GSE1: variants seen among roughly 807,000 people sequenced by gnomAD.
GSE1 encodes Gse1 coiled-coil protein.
A neutral mutation model predicts 112.6 loss-of-function variants in GSE1; 32 were observed. The ratio of observed to expected loss-of-function variants is 0.28; its 90% CI spans 0.21 to 0.38. The LOEUF (loss-of-function observed/expected upper bound fraction) is 0.38. Among genes scored for constraint, GSE1 ranks in the 10% least tolerant of loss-of-function variants. GSE1 has a pLI of 1.00. For missense variants in GSE1, 2,348 were observed against 1,699.2 expected, an observed-to-expected ratio of 1.38 and a Z score of -6.71; for synonymous variants, 1,115 against 735.6, an observed-to-expected ratio of 1.52 and a Z score of -8.35.
chr16:85,304,601 C>CGTG (rs1555557424), intron 1 of GSE1, among the ~76,000 whole-genome samples: 5 of 78,180 alleles, frequency 6.4e-5, no homozygotes, highest in Non-Finnish European at 9.9e-5. Flanking sequence ...AAGCCGGGGG[C>CGTG]GGGGGGGTGG....
Position 85,332,060 on chromosome 16 carries a change from G to A in GSE1, c.2284-25403G>A, listed in dbSNP as rs531992301. Among the ~76,000 whole-genome samples, 28 of 151,440 alleles carry A rather than the reference G, an allele frequency of 1.8e-4. No individual in the cohort carries two copies. In the South Asian group the frequency reaches 5.0e-3, roughly 27 times the overall value. Reference sequence around the variant, plus strand: ...GGGGCCCTTTGGCAACCATCTGGGGGCTCCTGTCCTAGCCTGACTGCCCCA... The same window carrying A: ...GGGGCCCTTTGGCAACCATCTGGGGACTCCTGTCCTAGCCTGACTGCCCCA... On this transcript the variant is annotated intron_variant, in intron 1 of 2. Coordinates refer to the GSE1 transcript ENST00000637419.
In GSE1 at chr16:85,672,394, C is replaced by T. The variant is rs1010006967; in HGVS notation, c.3520-11C>T. 6 of 1,606,002 alleles carry T rather than the reference C, an allele frequency of 3.7e-6. No individual in the cohort carries two copies. Among genetic ancestry groups the T allele is most frequent in the East Asian group, 2.2e-5 (1 of 44,664 alleles). On this transcript the variant is annotated splice_polypyrimidine_tract_variant and intron_variant, in intron 15 of 15. Transcript: ENST00000253458. ...ACGGGTTGGTTTTGACACAAATTTC[C>T]CTCTCTCCAGGAGTTGAGGAGCCAG...
intron 1 of GSE1, among the ~76,000 whole-genome samples, chr16:85,574,179 G>A (rs939619952): frequency 6.6e-6 from 1 of 152,210 alleles, no homozygotes; most frequent in Non-Finnish European, 1.5e-5. Context: ...TTGTGGGAGA[G>A]AAAGGAAGCC....
At position 85,309,604 on chromosome 16, in the gene GSE1, C is replaced by T. The variant is rs536713036; in HGVS notation, c.2284-47859C>T. ...AAAATAGCGTCCTCGAGGCACGTGG[C>T]CCACCCCCCGGATCTGGCCGGGAGC... is the stretch of plus-strand genomic sequence containing the variant. On this transcript the variant is annotated intron_variant, in intron 1 of 2. Coordinates refer to the GSE1 transcript ENST00000637419. Among the ~76,000 whole-genome samples, 14 of 152,384 alleles carry T rather than the reference C, an allele frequency of 9.2e-5. 1 individual carries two copies. In the South Asian group the frequency reaches 2.5e-3, roughly 27 times the overall value.
At position 85,320,270 on chromosome 16, in the gene GSE1, C is replaced by T. The variant is rs188839158; in HGVS notation, c.2284-37193C>T. On this transcript the variant is annotated intron_variant, in intron 1 of 2. Coordinates refer to the GSE1 transcript ENST00000637419. ...GGGAGTGGGCGGCGCATGAGTTAGCCGACCTGTGTCATTTGAGGCCGGAGC... is the reference window on the plus strand; with the variant it reads ...GGGAGTGGGCGGCGCATGAGTTAGCTGACCTGTGTCATTTGAGGCCGGAGC... Among the ~76,000 whole-genome samples the T allele has an allele frequency of 3.5e-3, 536 of 152,234 alleles. 3 individuals are homozygous for T. The highest frequency in any genetic ancestry group is 0.01 in the Middle Eastern group (3 of 294).
At chr16:85,255,368 C>A (rs1906961005) in intron 1 of GSE1, among the ~76,000 whole-genome samples, 1 of 152,092 alleles carries the variant, frequency 6.6e-6, no homozygotes, top group African/African-American at 2.4e-5. Context: ...CCCCTCCCAG[C>A]CTCAGTTTCC....
chr16:85,520,221 G>T (rs765194617), intron 2 of GSE1, among the ~76,000 whole-genome samples: 1 of 152,014 alleles, frequency 6.6e-6, no homozygotes, highest in Non-Finnish European at 1.5e-5. Context: ...TGAAAGGGGG[G>T]ACCCTTTAAC....
upstream of GSE1, among the ~76,000 whole-genome samples, chr16:85,612,251 CGGGGCGGGGCGGGGT>C (rs1282847841): frequency 2.9e-5 from 3 of 102,100 alleles, no homozygotes; most frequent in Non-Finnish European, 2.2e-5. Context: ...GGGGGCGGGG[CGGGGCGGGGCGGGGT>C]GGGCGGAGCC....
At position 85,300,913 on chromosome 16, in the gene GSE1, G is replaced by T. The variant is rs564357263; in HGVS notation, c.2284-56550G>T. Among the ~76,000 whole-genome samples the T allele has an allele frequency of 2.0e-5, 3 of 152,326 alleles. No individual in the cohort carries two copies. The East Asian group carries it at 5.8e-4, about 29-fold the overall frequency. On this transcript the variant is annotated intron_variant, in intron 1 of 2. Transcript: ENST00000637419. ...CCAGCCATCCTGCCTCCCAGAATTTGGGGGGAGTGGGGACTGGGGGCTGGA... is the reference window on the plus strand; with the variant it reads ...CCAGCCATCCTGCCTCCCAGAATTTTGGGGGAGTGGGGACTGGGGGCTGGA...
At chr16:85,264,812 A>T (rs763403306) in intron 1 of GSE1, among the ~76,000 whole-genome samples, 1 of 152,096 alleles carries the variant, frequency 6.6e-6, no homozygotes, top group Non-Finnish European at 1.5e-5. Flanking sequence ...GAGTGTGGGT[A>T]ACCAGGACCG....
chr16:85,593,912 G>C (rs2047103318), intron 1 of GSE1: 2 of 152,380 alleles, frequency 1.3e-5, no homozygotes, highest in Non-Finnish European at 2.9e-5. Context: ...CTCTTCTGGG[G>C]GGGCCGGAGG....
intron 1 of GSE1, among the ~76,000 whole-genome samples, chr16:85,259,656 G>T (rs998439343): frequency 6.6e-6 from 1 of 152,192 alleles, no homozygotes; most frequent in Non-Finnish European, 1.5e-5. Flanking sequence ...GGCCACACAG[G>T]TGGCAGAGGA....
chr16:85,486,784 G>T (rs2050856686), intron 2 of GSE1, among the ~76,000 whole-genome samples: 6 of 152,232 alleles, frequency 3.9e-5, no homozygotes, highest in Admixed American at 3.9e-4. Flanking sequence ...CCAGCCCCCC[G>T]TTCGTGGCTT....
chr16:85,307,678 C>T (rs73257783), intron 1 of GSE1, among the ~76,000 whole-genome samples: 21 of 152,290 alleles, frequency 1.4e-4, no homozygotes, highest in Non-Finnish European at 2.8e-4. Flanking sequence ...GCCTTGGTCA[C>T]GTGGGCACGG....
intron 2 of GSE1, among the ~76,000 whole-genome samples, chr16:85,635,731 A>G (rs2049940986): frequency 6.6e-6 from 1 of 152,156 alleles, no homozygotes; most frequent in Non-Finnish European, 1.5e-5. Context: ...CGCTGGTGCT[A>G]CCTGGGCTGG....
At chr16:85,182,093 C>A (rs1209448010) in intron 1 of GSE1, among the ~76,000 whole-genome samples, 1 of 152,216 alleles carries the variant, frequency 6.6e-6, no homozygotes, top group East Asian at 1.9e-4. Flanking sequence ...CCCAGCAAGG[C>A]TGTTCACACC....
chr16:85,532,185 C>T (rs970607524), intron 2 of GSE1, among the ~76,000 whole-genome samples: 14 of 152,302 alleles, frequency 9.2e-5, no homozygotes, highest in African/African-American at 3.4e-4. Flanking sequence ...TAGCACCATC[C>T]ACATTTTTAT....
At chr16:85,426,043 A>ATGGC (rs2048970797) in intron 2 of GSE1, among the ~76,000 whole-genome samples, 1 of 120,472 alleles carries the variant, frequency 8.3e-6, no homozygotes, top group African/African-American at 3.0e-5. Context: ...GGATGGATGG[A>ATGGC]TGGATGGATG....
intron 2 of GSE1, among the ~76,000 whole-genome samples, chr16:85,637,218 C>T (rs1353854644): frequency 6.6e-6 from 1 of 152,238 alleles, no homozygotes; most frequent in East Asian, 1.9e-4. Flanking sequence ...CTGCTTTCTG[C>T]CTCTGTAGAT....
Sources: allele counts gnomAD v4.1 joint callset (sites outside exome capture counted in the v4.1 genomes callset), GRCh38; gene constraint gnomAD v4.1.1; transcripts MANE v1.5; gene names NCBI Gene and HGNC (gene_info 2026-07-23, HGNC 2026-07-21).